Variants in ACAP2 observed in about 807,000 individuals in gnomAD.
ACAP2 encodes the protein arf-GAP with coiled-coil, ANK repeat and PH domain-containing protein 2.
ACAP2 carries 39 observed loss-of-function variants against 115.8 expected under a neutral mutation model. The observed-to-expected ratio is 0.34, with a 90% CI of 0.26 to 0.44. ACAP2 has a LOEUF of 0.44. Ranked by LOEUF, ACAP2 falls within the 20% of genes least tolerant of loss-of-function variation. ACAP2 has a pLI of 1.00. For synonymous variants in ACAP2, 289 were observed against 315.8 expected (o/e 0.92, Z 0.90); for missense variants, 662 against 927.6 (o/e 0.71, Z 3.72).
chr3:195,386,159 C>T (rs1560314203), intron 2 of ACAP2, among the ~76,000 whole-genome samples: 1 of 152,080 alleles, frequency 6.6e-6, no homozygotes, highest in Non-Finnish European at 1.5e-5. Context: ...TTGTATTATT[C>T]CATTTATTTG....
chr3:195,337,598 G>C (rs1730589864), intron 6 of ACAP2, among the ~76,000 whole-genome samples: 1 of 151,974 alleles, frequency 6.6e-6, no homozygotes, highest in South Asian at 2.1e-4. Flanking sequence ...ACCGGCTTGT[G>C]CCACCACGCT....
intron 17 of ACAP2, 103 bp from the exon 18 acceptor site, chr3:195,294,914 C>T (rs1046032114): frequency 6.2e-6 from 4 of 647,746 alleles, no homozygotes; most frequent in Non-Finnish European, 1.1e-5. Flanking sequence ...TCAACATGAA[C>T]TCAGGCACCA....
chr3:195,278,281 C>T lies in ACAP2; in HGVS notation c.*1047G>A, dbSNP rs796443762. ...AAAGAATGTACACTGTGTACAAGTA[C>T]ACAAAATAGATGTAGAAAAAATAAA... is the stretch of plus-strand genomic sequence containing the variant. On this transcript the variant is annotated 3_prime_UTR_variant, in exon 23 of 23. Transcript: ENST00000326793. 6.6e-6 allele frequency: 1 copy of T among 151,822 alleles called. No homozygotes were observed. Among genetic ancestry groups the T allele is most frequent in the East Asian group, 1.9e-4 (1 of 5,180 alleles). 9.4% of individuals were successfully genotyped at this position (151,822 alleles called of 1,614,324 possible).
At chr3:195,438,880 T>A (rs1043413839) in intron 1 of ACAP2, among the ~76,000 whole-genome samples, 4 of 152,080 alleles carry the variant, frequency 2.6e-5, no homozygotes, top group African/African-American at 9.7e-5. Flanking sequence ...GCTAACATGG[T>A]GAAACTCCGT....
intron 3 of ACAP2, among the ~76,000 whole-genome samples, 196 bp from the exon 4 acceptor site, chr3:195,381,258 C>T (rs1026057953): frequency 6.6e-5 from 10 of 152,018 alleles, no homozygotes; most frequent in African/African-American, 1.9e-4. Context: ...CAAATAAAAC[C>T]CTAAAAATGT....
At chr3:195,313,277 A>AT (rs1728877784) in intron 10 of ACAP2, among the ~76,000 whole-genome samples, 1 of 152,230 alleles carries the variant, frequency 6.6e-6, no homozygotes, top group Admixed American at 6.5e-5. Context: ...GCATACTTGG[A>AT]TATACCTCTA....
intron 9 of ACAP2, chr3:195,325,483 G>T (rs141629749): frequency 2.4e-4 from 100 of 417,352 alleles, no homozygotes; most frequent in African/African-American, 2.2e-3. Flanking sequence ...GGGCAGAAAA[G>T]AGGTCAGTAT....
rs114377983 is a variant in ACAP2 at position 195,341,164 on chromosome 3, G to A, written c.528+1307C>T. ...TAAATTCCATGATATATAGAAACAC[G>A]CAATATAATATGCCTTCATTTCTCA... On this transcript the variant is annotated intron_variant, in intron 6 of 22. Coordinates refer to ENST00000326793, the MANE Select transcript of ACAP2 (RefSeq NM_012287.6). Among the ~76,000 whole-genome samples the A allele has an allele frequency of 5.1e-3, 780 of 152,056 alleles. 5 individuals are homozygous for A. The highest frequency in any genetic ancestry group is 0.018 in the African/African-American group (742 of 41,486).
intron 4 of ACAP2, chr3:195,356,305 C>T (rs1731966339): frequency 2.5e-6 from 1 of 405,026 alleles, no homozygotes; most frequent in African/African-American, 2.0e-5. Flanking sequence ...AGGGACAGGA[C>T]AATCACACAG....
At chr3:195,298,380 C>T (rs917569683) in intron 15 of ACAP2, among the ~76,000 whole-genome samples, 1 of 151,652 alleles carries the variant, frequency 6.6e-6, no homozygotes, top group Non-Finnish European at 1.5e-5. Context: ...CTCAACCTCC[C>T]GAGTAACTGG....
At chr3:195,369,955 C>A (rs1733006431) in intron 4 of ACAP2, among the ~76,000 whole-genome samples, 1 of 152,192 alleles carries the variant, frequency 6.6e-6, no homozygotes, top group Non-Finnish European at 1.5e-5. Flanking sequence ...CCTATTCTGA[C>A]TGGTGTGAGA....
chr3:195,412,052 C>T (rs1224165752), intron 1 of ACAP2, among the ~76,000 whole-genome samples: 1 of 149,374 alleles, frequency 6.7e-6, no homozygotes, highest in African/African-American at 2.5e-5. Flanking sequence ...GGGCTGGGTG[C>T]AGTGGCTCAT....
In ACAP2 at chr3:195,395,069, T is replaced by G. The variant is rs573523323; in HGVS notation, c.54-2922A>C. ...TGAGATAGAACCATTCTGGGACATA[T>G]GTTTAAAAAACTAATAAGTGAAATA... On this transcript the variant is annotated intron_variant, in intron 1 of 22. Transcript: ENST00000326793. Among the ~76,000 whole-genome samples the G allele has an allele frequency of 2.0e-5, 3 of 151,488 alleles. No individual in the cohort carries two copies. In the East Asian group the frequency reaches 5.8e-4, roughly 29 times the overall value.
intron 18 of ACAP2, among the ~76,000 whole-genome samples, chr3:195,292,962 T>C (rs1056743578): frequency 2.0e-5 from 3 of 151,228 alleles, no homozygotes; most frequent in African/African-American, 7.3e-5. Context: ...ATAAATTTTA[T>C]GTGCATTTTA....
chr3:195,320,518 A>T (rs1219903217), intron 10 of ACAP2, among the ~76,000 whole-genome samples, 183 bp downstream of exon 10: 1 of 152,154 alleles, frequency 6.6e-6, no homozygotes, highest in Non-Finnish European at 1.5e-5. Context: ...AGAATTTAGA[A>T]TTAACGATTT....
chr3:195,403,848 T>G (rs1375444594), intron 1 of ACAP2, among the ~76,000 whole-genome samples: 2 of 151,942 alleles, frequency 1.3e-5, no homozygotes, highest in African/African-American at 4.8e-5. Flanking sequence ...AGTCTAGAGT[T>G]TAGGAGAGAA....
At chr3:195,394,788 G>A (rs139429713) in intron 1 of ACAP2, among the ~76,000 whole-genome samples, 1 of 152,328 alleles carries the variant, frequency 6.6e-6, no homozygotes, top group African/African-American at 2.4e-5. Flanking sequence ...CCCAGCTACT[G>A]TGGATTCTGA....
chr3:195,294,603 AAAAAATT>A lies in ACAP2; in HGVS notation c.1765+109_1765+115del, dbSNP rs1394416375. ...CAAAAAAAAAAGAAGAAAAAAAAAA[AAAAAATT>A]ATATATATATATATATATATAATTT... On this transcript the variant is annotated intron_variant, in intron 18 of 22. Transcript: ENST00000326793. The A allele has an allele frequency of 2.3e-3, 183 of 78,398 alleles. 1 individual carries two copies. Among genetic ancestry groups the A allele is most frequent in the African/African-American group, 9.8e-3 (129 of 13,172 alleles). The allele number at this position is 78,398 out of a possible 1,614,324, so 4.9% of individuals were successfully genotyped here.
Position 195,314,088 on chromosome 3 carries a change from G to A in ACAP2, c.858-5251C>T, listed in dbSNP as rs896501356. Among the ~76,000 whole-genome samples, 3 of 151,926 alleles carry A rather than the reference G, an allele frequency of 2.0e-5. No individual in the cohort carries two copies. In the East Asian group the frequency reaches 5.8e-4, roughly 29 times the overall value. On this transcript the variant is annotated intron_variant, in intron 10 of 22. Transcript: ENST00000326793. ...TCTATTCACTTAAATTCCAGATTTTGGAATGACCTGAAATACACTTGTAAT... is the reference window on the plus strand; with the variant it reads ...TCTATTCACTTAAATTCCAGATTTTAGAATGACCTGAAATACACTTGTAAT...
Sources: allele counts gnomAD v4.1 joint callset (sites outside exome capture counted in the v4.1 genomes callset), GRCh38; gene constraint gnomAD v4.1.1; transcripts MANE v1.5; gene names NCBI Gene and HGNC (gene_info 2026-07-23, HGNC 2026-07-21).